WWC2: variants seen among roughly 807,000 people sequenced by gnomAD.
The protein encoded by WWC2 is protein WWC2.
WWC2 carries 101 observed loss-of-function variants against 138.5 expected under a neutral mutation model. That is an observed-to-expected ratio of 0.73 (90% CI 0.62 to 0.86). The LOEUF (loss-of-function observed/expected upper bound fraction) is 0.86. Ranked by LOEUF, WWC2 falls within the 40% of genes least tolerant of loss-of-function variation. The pLI, the probability that WWC2 is intolerant of heterozygous loss-of-function variation, is 0.00. For missense variants in WWC2, 1,420 were observed against 1,419.4 expected (o/e 1.00, Z -0.01); for synonymous variants, 558 against 538.4 (o/e 1.04, Z -0.50).
chr4:183,146,980 G>T (rs1224145835), intron 1 of WWC2, among the ~76,000 whole-genome samples: 1 of 152,124 alleles, frequency 6.6e-6, no homozygotes, highest in Non-Finnish European at 1.5e-5. Context: ...GAAACACTTG[G>T]AAACACTTGG....
chr4:183,235,672 T>C (rs1736401135), intron 4 of WWC2, among the ~76,000 whole-genome samples: 1 of 152,198 alleles, frequency 6.6e-6, no homozygotes, highest in Admixed American at 6.5e-5. Flanking sequence ...CTTTCCTTCT[T>C]TTAAAGGCTG....
chr4:183,143,422 C>A (rs1010857319), intron 1 of WWC2, among the ~76,000 whole-genome samples: 1 of 152,138 alleles, frequency 6.6e-6, no homozygotes, highest in African/African-American at 2.4e-5. Flanking sequence ...CAACTCTGTC[C>A]TGTTAAGTAT....
intron 2 of WWC2, among the ~76,000 whole-genome samples, chr4:183,205,879 G>T (rs1233341358): frequency 6.6e-6 from 1 of 152,112 alleles, no homozygotes; most frequent in Non-Finnish European, 1.5e-5. Context: ...CGTCCCAGTT[G>T]TCCTTTGCCT....
At chr4:183,265,248 T>C (rs1415763801) in intron 12 of WWC2, 141 bp downstream of exon 12, 6 of 1,222,292 alleles carry the variant, frequency 4.9e-6, no homozygotes, top group Non-Finnish European at 6.5e-6. Flanking sequence ...GTGGTGTGCC[T>C]GAAAAGTTCA....
At chr4:183,190,979 T>A (rs2111205271) in intron 1 of WWC2, among the ~76,000 whole-genome samples, 1 of 152,282 alleles carries the variant, frequency 6.6e-6, no homozygotes, top group Middle Eastern at 3.4e-3. Flanking sequence ...AACTTACCGT[T>A]CTCGTGTTTT....
At chr4:183,308,862 T>TC (rs1323827740) in intron 21 of WWC2, among the ~76,000 whole-genome samples, 1 of 152,172 alleles carries the variant, frequency 6.6e-6, no homozygotes, top group African/African-American at 2.4e-5. Flanking sequence ...TCCATTTTTT[T>TC]CCCAAATATT....
chr4:183,120,945 A>G (rs1732580771), intron 1 of WWC2, among the ~76,000 whole-genome samples: 1 of 151,840 alleles, frequency 6.6e-6, no homozygotes, highest in Non-Finnish European at 1.5e-5. Context: ...CATTGTGGCC[A>G]GGAGGGGTTG....
chr4:183,172,722 A>G (rs548760531), intron 1 of WWC2, among the ~76,000 whole-genome samples: 88 of 152,154 alleles, frequency 5.8e-4, no homozygotes, highest in African/African-American at 2.0e-3. Context: ...GGTCATATAT[A>G]ATCAAGAAAC....
rs1739562566 is a variant in WWC2, at chr4:183,319,553, G to A, written c.*3824G>A. The A allele has an allele frequency of 6.2e-7, 1 of 1,606,434 alleles. No individual in the cohort carries two copies. Among genetic ancestry groups the A allele is most frequent in the Non-Finnish European group, 8.5e-7 (1 of 1,176,270 alleles). ...TGAACAGCAGACGCTTGTCCTTTCT[G>A]GCTTAGTGTTTCAGGTTGGTGTTTC... On this transcript the variant is annotated 3_prime_UTR_variant, in exon 23 of 23. Transcript: ENST00000403733.
chr4:183,221,330 ATC>A (rs1474145857), intron 4 of WWC2, among the ~76,000 whole-genome samples: 2 of 152,236 alleles, frequency 1.3e-5, no homozygotes, highest in Non-Finnish European at 2.9e-5. Context: ...TGAAGGACAA[ATC>A]TCTAATTATA....
At chr4:183,226,638 T>C (rs1736083950) in intron 4 of WWC2, among the ~76,000 whole-genome samples, 1 of 151,876 alleles carries the variant, frequency 6.6e-6, no homozygotes, top group Non-Finnish European at 1.5e-5. Flanking sequence ...ATAGAATAGC[T>C]CTGCAATATT....
rs1199511196 is a variant in WWC2 at position 183,319,495 on chromosome 4, TC to T, written c.*3768del. The T allele has an allele frequency of 1.4e-6, 2 of 1,479,680 alleles. No homozygotes were observed. The highest frequency in any genetic ancestry group is 1.4e-5 in the African/African-American group (1 of 70,834). The allele number at this position is 1,479,680 out of a possible 1,614,324, so 91.7% of individuals were successfully genotyped here. A position where few individuals can be genotyped will look rare whatever the true frequency, so the allele number is the denominator to read the frequency against. ...ACAGTGAGATGACTAGAGCGGGACA[TC>T]CTACCAAATCCAGTGTTGAGCAAGC... On this transcript the variant is annotated 3_prime_UTR_variant, in exon 23 of 23. Coordinates refer to ENST00000403733, the MANE Select transcript of WWC2 (RefSeq NM_024949.6).
intron 1 of WWC2, among the ~76,000 whole-genome samples, chr4:183,141,290 G>A (rs1169731489): frequency 6.6e-6 from 1 of 152,088 alleles, no homozygotes; most frequent in East Asian, 1.9e-4. Context: ...GTCCCCACAT[G>A]GCCTTTCTCA....
At chr4:183,104,237 A>G (rs1743282536) in intron 1 of WWC2, among the ~76,000 whole-genome samples, 1 of 152,130 alleles carries the variant, frequency 6.6e-6, no homozygotes, top group South Asian at 2.1e-4. Context: ...GGAGTCCCCG[A>G]TTGCTTATTA....
At chr4:183,232,658 A>ATTTT (rs886197434) in intron 4 of WWC2, among the ~76,000 whole-genome samples, 2 of 151,992 alleles carry the variant, frequency 1.3e-5, no homozygotes, top group African/African-American at 4.8e-5. Flanking sequence ...GTTTTATTTT[A>ATTTT]TTTTTTTGAG....
Position 183,274,016 on chromosome 4 carries a change from C to T in WWC2, c.2562+2775C>T, listed in dbSNP as rs1453173925. On this transcript the variant is annotated intron_variant, in intron 16 of 22. Coordinates refer to ENST00000403733, the MANE Select transcript of WWC2 (RefSeq NM_024949.6). ...TCTTTCACCTTGAATTATCTTGGCA[C>T]CCTTGTTGAAAATCAAGTGTGAGGG... Among the ~76,000 whole-genome samples the T allele has an allele frequency of 2.0e-5, 3 of 152,238 alleles. No homozygotes were observed. In the East Asian group the frequency reaches 5.8e-4, roughly 29 times the overall value.
chr4:183,208,200 A>G, intron 3 of WWC2, 44 bp downstream of exon 3: 1 of 1,594,152 alleles, frequency 6.3e-7, no homozygotes, highest in East Asian at 2.2e-5. Flanking sequence ...TGGAGACTGA[A>G]TTGTAGATAA....
At chr4:183,190,752 A>G (rs1209747586) in intron 1 of WWC2, among the ~76,000 whole-genome samples, 2 of 152,210 alleles carry the variant, frequency 1.3e-5, no homozygotes, top group African/African-American at 4.8e-5. Context: ...TAGAACAGTG[A>G]CAATTAAATG....
chr4:183,240,350 G>T, intron 5 of WWC2, 88 bp downstream of exon 5: 2 of 1,049,124 alleles, frequency 1.9e-6, no homozygotes, highest in South Asian at 4.1e-5. Flanking sequence ...TTACATAAGC[G>T]ATTTCTTAAA....
Sources: allele counts gnomAD v4.1 joint callset (sites outside exome capture counted in the v4.1 genomes callset), GRCh38; gene constraint gnomAD v4.1.1; transcripts MANE v1.5; gene names NCBI Gene and HGNC (gene_info 2026-07-23, HGNC 2026-07-21).